Variants in WASHC2C observed in about 807,000 individuals in gnomAD.
The protein encoded by WASHC2C is Vaccinia Penetration Factor.
WASHC2C carries 73 observed loss-of-function variants against 142.2 expected under a neutral mutation model. The ratio of observed to expected loss-of-function variants is 0.51; its 90% CI spans 0.43 to 0.62. The LOEUF is 0.62. WASHC2C is among the 20% of genes least tolerant of loss of function. WASHC2C has a pLI of 0.00. For missense variants in WASHC2C, 969 were observed against 1,531.7 expected, an observed-to-expected ratio of 0.63 and a Z score of 6.13; for synonymous variants, 337 against 565.5, an observed-to-expected ratio of 0.60 and a Z score of 5.73.
chr10:45,762,237 A>T (rs1205594616), intron 17 of WASHC2C, among the ~76,000 whole-genome samples: 1 of 151,894 alleles, frequency 6.6e-6, no homozygotes, highest in Non-Finnish European at 1.5e-5. Context: ...TTTGAGATGA[A>T]ATTATACTCT....
At chr10:45,768,252 A>AAAAG (rs1296548501) in intron 19 of WASHC2C, among the ~76,000 whole-genome samples, 7 of 150,986 alleles carry the variant, frequency 4.6e-5, no homozygotes, top group Admixed American at 6.6e-5. Context: ...AAAAAAAAAA[A>AAAAG]AAAGAAAGAG....
intron 5 of WASHC2C, among the ~76,000 whole-genome samples, chr10:45,742,345 G>C (rs1387156212): frequency 6.6e-6 from 1 of 152,094 alleles, no homozygotes; most frequent in Non-Finnish European, 1.5e-5. Context: ...TCGGAGTTTC[G>C]CTCTTGTTGC....
chr10:45,756,640 G>A (rs1324527744), intron 15 of WASHC2C, among the ~76,000 whole-genome samples: 3 of 152,094 alleles, frequency 2.0e-5, no homozygotes, highest in Non-Finnish European at 4.4e-5. Context: ...TAAAGCAGGA[G>A]CCAAGCCTTC....
chr10:45,745,875 T>G (rs1297650428), intron 7 of WASHC2C, among the ~76,000 whole-genome samples: 3 of 149,316 alleles, frequency 2.0e-5, no homozygotes, highest in Non-Finnish European at 4.5e-5. Flanking sequence ...ACCCATTAAC[T>G]CGTCATCTAG....
chr10:45,731,558 G>A (rs1279926856), intron 3 of WASHC2C, among the ~76,000 whole-genome samples: 43 of 148,306 alleles, frequency 2.9e-4, no homozygotes, highest in Non-Finnish European at 4.5e-5. Context: ...CACTGCGCTC[G>A]GCCCTTAGTG....
chr10:45,771,010 T>C (rs2056529066), intron 20 of WASHC2C, among the ~76,000 whole-genome samples: 1 of 152,002 alleles, frequency 6.6e-6, no homozygotes, highest in South Asian at 2.1e-4. Flanking sequence ...TGCTCTCTCC[T>C]GGGACATTCT....
In WASHC2C at chr10:45,727,452, G is replaced by C. The variant is rs763664635; in HGVS notation, c.39G>C (p.Pro13=). Reference sequence around the variant, plus strand: ...CGACCCCCGACCAGGAGCTGGTGCCGGCGTCGGAGCCCGTGTGGGAGCGGC... The same window carrying C: ...CGACCCCCGACCAGGAGCTGGTGCCCGCGTCGGAGCCCGTGTGGGAGCGGC... ...NRTTPDQELV[P]ASEPVWERPW... The change falls in exon 2 of 31, where the codon CCG becomes CCC. Residue 13 remains proline, a synonymous_variant. Transcript: ENST00000623400. The C allele has an allele frequency of 2.2e-5, 35 of 1,610,988 alleles. No homozygotes were observed. The Admixed American group carries it at 2.7e-4, about 12-fold the overall frequency.
chr10:45,733,826 A>G (rs2050890248), intron 3 of WASHC2C, among the ~76,000 whole-genome samples: 2 of 152,204 alleles, frequency 1.3e-5, no homozygotes, highest in Admixed American at 1.3e-4. Context: ...TAGGAAAAGT[A>G]AGAAAAAGAA....
At chr10:45,749,472 C>A (rs758875402) in intron 8 of WASHC2C, among the ~76,000 whole-genome samples, 2 of 151,056 alleles carry the variant, frequency 1.3e-5, no homozygotes, top group South Asian at 2.1e-4. Context: ...CTAGTAACAG[C>A]CATTTTTGAT....
chr10:45,783,961 C>G (rs868922777), intron 23 of WASHC2C, among the ~76,000 whole-genome samples: 42 of 151,992 alleles, frequency 2.8e-4, no homozygotes, highest in Admixed American at 5.2e-4. Flanking sequence ...GGCTTGTGGT[C>G]GCACCTGTGC....
At chr10:45,745,787 T>C (rs2052742289) in intron 7 of WASHC2C, among the ~76,000 whole-genome samples, 1 of 152,106 alleles carries the variant, frequency 6.6e-6, no homozygotes, top group Non-Finnish European at 1.5e-5. Context: ...ATTTTTATTA[T>C]ACTTTAAGTT....
chr10:45,781,269 T>C (rs2057482368), intron 23 of WASHC2C, among the ~76,000 whole-genome samples: 1 of 152,256 alleles, frequency 6.6e-6, no homozygotes, highest in East Asian at 1.9e-4. Context: ...GAAACCTTAA[T>C]ATTGGTAAGG....
At chr10:45,781,201 C>T (rs1282656511) in intron 23 of WASHC2C, among the ~76,000 whole-genome samples, 14 of 152,074 alleles carry the variant, frequency 9.2e-5, no homozygotes, top group Non-Finnish European at 1.9e-4. Flanking sequence ...ATCTACAAAA[C>T]ATTGAAAGAA....
intron 21 of WASHC2C, among the ~76,000 whole-genome samples, chr10:45,773,892 CAAAAA>C (rs71023148): frequency 2.3e-3 from 70 of 31,106 alleles, no homozygotes; most frequent in African/African-American, 8.3e-3. Flanking sequence ...TACTGCAGGC[CAAAAA>C]AAAAAAAAAA....
At chr10:45,780,703 A>G (rs1451074911) in intron 23 of WASHC2C, among the ~76,000 whole-genome samples, 2 of 152,126 alleles carry the variant, frequency 1.3e-5, no homozygotes, top group African/African-American at 4.8e-5. Flanking sequence ...GTAGTTCTGT[A>G]AGCTAGTAAT....
intron 23 of WASHC2C, among the ~76,000 whole-genome samples, chr10:45,784,238 A>ATGTG (rs1564818662): frequency 1.7e-5 from 1 of 58,230 alleles, no homozygotes; most frequent in Non-Finnish European, 3.4e-5. Flanking sequence ...ATATATATAT[A>ATGTG]TATGTGTGTG....
intron 8 of WASHC2C, among the ~76,000 whole-genome samples, chr10:45,749,834 A>AAAAAAAATAT (rs2053327137): frequency 1.6e-5 from 1 of 62,846 alleles, no homozygotes; most frequent in Non-Finnish European, 3.0e-5. Flanking sequence ...TCAAAAAAAA[A>AAAAAAAATAT]AAATATATAT....
intron 20 of WASHC2C, among the ~76,000 whole-genome samples, chr10:45,770,231 A>G (rs563921943): frequency 5.4e-5 from 7 of 129,984 alleles, no homozygotes; most frequent in African/African-American, 1.8e-4. Flanking sequence ...ACGGAGCAAG[A>G]CTCCATCTCA....
At chr10:45,768,069 AT>A (rs1241776467) in intron 19 of WASHC2C, among the ~76,000 whole-genome samples, 6 of 145,300 alleles carry the variant, frequency 4.1e-5, no homozygotes, top group Non-Finnish European at 6.1e-5. Context: ...CTACTAAAAA[AT>A]ACAAAAATTA....
Sources: allele counts gnomAD v4.1 joint callset (sites outside exome capture counted in the v4.1 genomes callset), GRCh38; gene constraint gnomAD v4.1.1; transcripts MANE v1.5; gene names NCBI Gene and HGNC (gene_info 2026-07-23, HGNC 2026-07-21).